PCBP3: variants seen among roughly 807,000 people sequenced by gnomAD.
The protein encoded by PCBP3 is poly(rC) binding protein 3.
A neutral mutation model predicts 52.7 loss-of-function variants in PCBP3; 25 were observed. The observed-to-expected ratio is 0.47, with a 90% confidence interval of 0.35 to 0.66. The LOEUF is 0.66. Ranked by LOEUF, PCBP3 falls within the 30% of genes least tolerant of loss-of-function variation. The pLI, the probability that PCBP3 is intolerant of heterozygous loss-of-function variation, is 0.01. For missense variants in PCBP3, 391 were observed against 490.3 expected, an observed-to-expected ratio of 0.80 and a Z score of 1.91; for synonymous variants, 162 against 183.0, an observed-to-expected ratio of 0.89 and a Z score of 0.93.
chr21:45,677,540 C>A (rs548679504), intron 2 of PCBP3, among the ~76,000 whole-genome samples: 1 of 152,204 alleles, frequency 6.6e-6, no homozygotes, highest in South Asian at 2.1e-4. Context: ...ATGAAGGTAG[C>A]TACACTAAGG....
chr21:45,708,133 A>G (rs2083577051), intron 2 of PCBP3, among the ~76,000 whole-genome samples: 1 of 152,226 alleles, frequency 6.6e-6, no homozygotes, highest in Non-Finnish European at 1.5e-5. Context: ...GGGGTTCCAC[A>G]TGCCGAAATT....
intron 6 of PCBP3, among the ~76,000 whole-genome samples, chr21:45,896,842 CCCGGG>C (rs2095845058): frequency 6.9e-6 from 1 of 145,956 alleles, no homozygotes; most frequent in African/African-American, 2.6e-5. Context: ...AGATGCACTG[CCCGGG>C]CCATTGTCTC....
intron 1 of PCBP3, among the ~76,000 whole-genome samples, chr21:45,666,941 T>A (rs2147190146): frequency 6.6e-6 from 1 of 152,238 alleles, no homozygotes; most frequent in East Asian, 1.9e-4. Flanking sequence ...GAGTTTATCC[T>A]TGAAGCTTAT....
intron 3 of PCBP3, among the ~76,000 whole-genome samples, chr21:45,746,985 C>T (rs925171624): frequency 1.4e-5 from 2 of 143,364 alleles, no homozygotes; most frequent in Non-Finnish European, 3.1e-5. Context: ...AGTCCATTGA[C>T]GTAGCGCACA....
At chr21:45,685,542 T>C (rs868841370) in intron 2 of PCBP3, among the ~76,000 whole-genome samples, 1 of 152,162 alleles carries the variant, frequency 6.6e-6, no homozygotes, top group Non-Finnish European at 1.5e-5. Context: ...TGGAAAAATA[T>C]ATAAAACAAC....
Position 45,735,718 on chromosome 21 carries a change from A to G in PCBP3, c.-162+289A>G, listed in dbSNP as rs998242698. The stretch of plus-strand genomic sequence containing the variant: ...ACCTTTCTCCACAGTTAACCTGACC[A>G]TGTAGACCAGCAGGAGCTGGAGGGC... On this transcript the variant is annotated intron_variant, in intron 3 of 17. Transcript: ENST00000681687. This position sits in a 1 kb window ranked among gnomAD's most constrained non-coding sequence, Gnocchi z 4.0. Among the ~76,000 whole-genome samples, 4 of 152,228 alleles carry G rather than the reference A, an allele frequency of 2.6e-5. No homozygotes were observed. The highest frequency in any genetic ancestry group is 7.2e-5 in the African/African-American group (3 of 41,462).
At chr21:45,660,546 A>G (rs2080321807) in intron 1 of PCBP3, among the ~76,000 whole-genome samples, 1 of 152,018 alleles carries the variant, frequency 6.6e-6, no homozygotes, top group Admixed American at 6.6e-5. Context: ...CTATTACTCC[A>G]TTACTGACTT....
chr21:45,919,502 G>A (rs2074094581), intron 13 of PCBP3: 1 of 152,202 alleles, frequency 6.6e-6, no homozygotes, highest in Non-Finnish European at 1.5e-5. Context: ...ATCATTGCAG[G>A]AAAATTTATA....
At chr21:45,894,780 A>G (rs2095781965) in intron 5 of PCBP3, among the ~76,000 whole-genome samples, 1 of 152,248 alleles carries the variant, frequency 6.6e-6, no homozygotes, top group Admixed American at 6.5e-5. Flanking sequence ...TGCACAGTGC[A>G]GCGAGAGCAT....
intron 5 of PCBP3, among the ~76,000 whole-genome samples, chr21:45,881,718 C>T (rs2095410001): frequency 6.6e-6 from 1 of 152,168 alleles, no homozygotes; most frequent in South Asian, 2.1e-4. Context: ...CTCCCATTTC[C>T]CCCAACCCCC....
chr21:45,881,018 C>T (rs1166658919), intron 5 of PCBP3, among the ~76,000 whole-genome samples: 2 of 152,200 alleles, frequency 1.3e-5, no homozygotes, highest in Non-Finnish European at 2.9e-5. Context: ...AGTGGACATG[C>T]CTGGGCCAGC....
chr21:45,762,682 G>A (rs559885078), intron 4 of PCBP3: 1 of 151,766 alleles, frequency 6.6e-6, no homozygotes, highest in African/African-American at 2.4e-5. Flanking sequence ...TAGAGGCAGG[G>A]TTTCTCAGTG....
At chr21:45,776,187 T>C in intron 4 of PCBP3, among the ~76,000 whole-genome samples, 1 of 152,176 alleles carries the variant, frequency 6.6e-6, no homozygotes, top group East Asian at 1.9e-4. Context: ...AGATAGTTGA[T>C]ATATGATTTT....
Position 45,802,927 on chromosome 21 carries a change from A to G in PCBP3, c.-125-47034A>G, listed in dbSNP as rs146291133. ...ATTTTTCATTGATACTCATATATTT[A>G]CTGTTGAATCTCTTTGAGTTCTTTT... is the stretch of plus-strand genomic sequence containing the variant. On this transcript the variant is annotated intron_variant, in intron 4 of 17. Coordinates refer to ENST00000681687, the MANE Select transcript of PCBP3 (RefSeq NM_001384156.1). The surrounding 1 kb of genome is among the most constrained non-coding windows in gnomAD (Gnocchi z 5.1). Among the ~76,000 whole-genome samples the G allele has an allele frequency of 3.8e-3, 585 of 152,222 alleles. 5 individuals are homozygous for G. The highest frequency in any genetic ancestry group is 0.014 in the African/African-American group (567 of 41,526).
intron 4 of PCBP3, among the ~76,000 whole-genome samples, chr21:45,840,104 G>A (rs2093667931): frequency 6.6e-6 from 1 of 152,072 alleles, no homozygotes; most frequent in Admixed American, 6.6e-5. Context: ...TACAATTTGT[G>A]TGTGTGTGTT....
chr21:45,819,454 C>T (rs958977027), intron 4 of PCBP3, among the ~76,000 whole-genome samples: 1 of 152,212 alleles, frequency 6.6e-6, no homozygotes, highest in Non-Finnish European at 1.5e-5. Flanking sequence ...GGATGAAGGG[C>T]ATGTTCATCA....
intron 4 of PCBP3, chr21:45,760,884 C>A (rs757989127): frequency 5.9e-5 from 9 of 151,990 alleles, no homozygotes; most frequent in Non-Finnish European, 1.2e-4. Context: ...GTCAGGAGTT[C>A]GAGACCAGCC....
intron 4 of PCBP3, among the ~76,000 whole-genome samples, chr21:45,843,178 A>G (rs1309329380): frequency 1.4e-5 from 2 of 145,718 alleles, no homozygotes; most frequent in African/African-American, 5.6e-5. Flanking sequence ...TTTGTTCCAC[A>G]TGTAATGTCC....
chr21:45,682,185 T>G (rs2147561175), intron 2 of PCBP3, among the ~76,000 whole-genome samples: 1 of 152,314 alleles, frequency 6.6e-6, no homozygotes, highest in East Asian at 1.9e-4. Context: ...ATGCTTTTGT[T>G]GGGGCTTCTT....
Sources: allele counts gnomAD v4.1 joint callset (sites outside exome capture counted in the v4.1 genomes callset), GRCh38; gene constraint gnomAD v4.1.1; non-coding constraint Gnocchi (gnomAD v3.1); transcripts MANE v1.5; gene names NCBI Gene and HGNC (gene_info 2026-07-23, HGNC 2026-07-21).